The following PLCB1 variants were observed in gnomAD, a reference collection of about 807,000 sequenced individuals.
PLCB1 encodes the protein 1-phosphatidylinositol 4,5-bisphosphate phosphodiesterase beta-1.
Under a neutral mutation model 161.8 loss-of-function variants are expected in PLCB1, and 46 were observed. The ratio of observed to expected loss-of-function variants is 0.28; its 90% CI spans 0.22 to 0.36. The LOEUF (loss-of-function observed/expected upper bound fraction) is 0.36, where lower values mean the gene tolerates loss of function less well. Ranked by LOEUF, PLCB1 falls within the 10% of genes least tolerant of loss-of-function variation. The pLI is 1.00. For missense variants in PLCB1, 1,016 were observed against 1,472.5 expected, an observed-to-expected ratio of 0.69 and a Z score of 5.07; for synonymous variants, 517 against 503.7, an observed-to-expected ratio of 1.03 and a Z score of -0.35.
At chr20:8,364,866 T>A (rs145667211) in intron 2 of PLCB1, among the ~76,000 whole-genome samples, 63 of 152,360 alleles carry the variant, frequency 4.1e-4, no homozygotes, top group Non-Finnish European at 8.7e-4. Flanking sequence ...AATTAGTTTC[T>A]CTAGAAGTTT....
At chr20:8,505,499 T>C (rs1481067287) in intron 3 of PLCB1, among the ~76,000 whole-genome samples, 1 of 152,178 alleles carries the variant, frequency 6.6e-6, no homozygotes, top group African/African-American at 2.4e-5. Context: ...AGGAAAGGAA[T>C]AGAAAGAATA....
At chr20:8,821,542 TA>T (rs1985412805) in intron 31 of PLCB1, among the ~76,000 whole-genome samples, 1 of 85,302 alleles carries the variant, frequency 1.2e-5, no homozygotes, top group Non-Finnish European at 2.2e-5. Context: ...TATATATATA[TA>T]TATATATATA....
At chr20:8,485,281 A>G (rs570859149) in intron 3 of PLCB1, among the ~76,000 whole-genome samples, 1 of 152,322 alleles carries the variant, frequency 6.6e-6, no homozygotes, top group African/African-American at 2.4e-5. Context: ...ATTTGTCTCC[A>G]TTGGGTTTTT....
At chr20:8,196,346 T>C (rs1279544240) in intron 2 of PLCB1, among the ~76,000 whole-genome samples, 1 of 152,134 alleles carries the variant, frequency 6.6e-6, no homozygotes, top group African/African-American at 2.4e-5. Flanking sequence ...GTATCATTAT[T>C]GAGCAAGCAT....
At chr20:8,779,200 C>T (rs1983083419) in intron 27 of PLCB1, among the ~76,000 whole-genome samples, 1 of 152,056 alleles carries the variant, frequency 6.6e-6, no homozygotes, top group Non-Finnish European at 1.5e-5. Flanking sequence ...AGAAAGAAAG[C>T]ATGGCATCCG....
At chr20:8,841,683 T>G (rs955276787) in intron 31 of PLCB1, among the ~76,000 whole-genome samples, 1 of 152,216 alleles carries the variant, frequency 6.6e-6, no homozygotes, top group African/African-American at 2.4e-5. Context: ...ATCTTAAAAT[T>G]AAAGTCCAGG....
At chr20:8,829,394 G>C (rs1006888927) in intron 31 of PLCB1, among the ~76,000 whole-genome samples, 3 of 152,166 alleles carry the variant, frequency 2.0e-5, no homozygotes, top group Non-Finnish European at 2.9e-5. Context: ...TGACCAGTAG[G>C]GGATAATTCA....
chr20:8,590,267 T>G (rs1987109207), intron 3 of PLCB1, among the ~76,000 whole-genome samples: 1 of 152,138 alleles, frequency 6.6e-6, no homozygotes, highest in African/African-American at 2.4e-5. Flanking sequence ...CTATGACAAA[T>G]TCGGAAGTCG....
Position 8,779,465 on chromosome 20 carries a change from G to C in PLCB1, c.3111+4746G>C, listed in dbSNP as rs115488328. ...TGTAATTGTTCATATCATGATACGA[G>C]ATGTAAAATGCACACCAAGCTCTGT... is the stretch of plus-strand genomic sequence containing the variant. On this transcript the variant is annotated intron_variant, in intron 27 of 31. Coordinates refer to ENST00000338037, the MANE Select transcript of PLCB1 (RefSeq NM_015192.4). Among the ~76,000 whole-genome samples, 103 of 129,310 alleles carry C rather than the reference G, an allele frequency of 8.0e-4. 1 individual carries two copies. Among genetic ancestry groups the C allele is most frequent in the African/African-American group, 2.8e-3 (96 of 34,480 alleles). 84.8% of individuals were successfully genotyped at this position (129,310 alleles called of 152,430 possible). A position where few individuals can be genotyped will look rare whatever the true frequency, so the allele number is the denominator to read the frequency against.
chr20:8,283,795 CTT>C (rs915661886), intron 2 of PLCB1, among the ~76,000 whole-genome samples: 4 of 152,004 alleles, frequency 2.6e-5, no homozygotes, highest in African/African-American at 7.2e-5. Flanking sequence ...CAAATGGCCT[CTT>C]ATTGTTTTGA....
Position 8,757,097 on chromosome 20 carries a change from CCAG to C in PLCB1, c.2579_2581del (p.Ala860del). 6.2e-7 allele frequency: 1 copy of C among 1,613,346 alleles called. No individual in the cohort carries two copies. ...GGCTCCAAGTGAAGCGAGAACGACTCCAGCAGAAAATGGGGTGAATCACACTAC... is the reference window on the plus strand; with the variant it reads ...GGCTCCAAGTGAAGCGAGAACGACTCCAGAAAATGGGGTGAATCACACTAC... On this transcript the variant is annotated inframe_deletion, in exon 24 of 32. Transcript: ENST00000338037.
chr20:8,308,581 C>T (rs181453658), intron 2 of PLCB1, among the ~76,000 whole-genome samples: 46 of 142,946 alleles, frequency 3.2e-4, no homozygotes, highest in Admixed American at 1.1e-3. Context: ...CGTGCCACTG[C>T]GCTGCAGTCT....
intron 3 of PLCB1, among the ~76,000 whole-genome samples, chr20:8,556,841 A>G (rs1985973007): frequency 6.6e-6 from 1 of 151,924 alleles, no homozygotes; most frequent in Non-Finnish European, 1.5e-5. Flanking sequence ...TTGAATAGAC[A>G]TTTATCCAAA....
At chr20:8,233,171 CATCAAATATTT>C in intron 2 of PLCB1, among the ~76,000 whole-genome samples, 1 of 152,182 alleles carries the variant, frequency 6.6e-6, no homozygotes, top group African/African-American at 2.4e-5. Flanking sequence ...TATTCAATCC[CATCAAATATTT>C]ATCAAATACC....
chr20:8,408,357 A>G (rs1408335781), intron 3 of PLCB1, among the ~76,000 whole-genome samples: 1 of 152,062 alleles, frequency 6.6e-6, no homozygotes, highest in Non-Finnish European at 1.5e-5. Context: ...AGGCTGCAGT[A>G]CATGAGGATC....
chr20:8,689,138 T>C, intron 10 of PLCB1, among the ~76,000 whole-genome samples: 1 of 152,000 alleles, frequency 6.6e-6, no homozygotes, highest in East Asian at 1.9e-4. Context: ...GATTTGATTA[T>C]CTGCTTGGTC....
chr20:8,634,330 T>C (rs1273957849), intron 4 of PLCB1, among the ~76,000 whole-genome samples: 1 of 152,228 alleles, frequency 6.6e-6, no homozygotes, highest in Non-Finnish European at 1.5e-5. Flanking sequence ...TTAATGTTTG[T>C]AATTTTAGAT....
chr20:8,347,817 G>T (rs1986044149), intron 2 of PLCB1, among the ~76,000 whole-genome samples: 1 of 152,026 alleles, frequency 6.6e-6, no homozygotes, highest in African/African-American at 2.4e-5. Context: ...TGAAGAAATA[G>T]CTCTGAAATC....
intron 2 of PLCB1, among the ~76,000 whole-genome samples, chr20:8,341,233 C>T (rs1326478137): frequency 6.6e-6 from 1 of 152,148 alleles, no homozygotes; most frequent in Non-Finnish European, 1.5e-5. Context: ...TTGCTGCTCT[C>T]CTGTACAGCC....
Sources: gnomAD v4.1 joint callset for allele counts (sites outside exome capture counted in the v4.1 genomes callset) on GRCh38, gnomAD v4.1.1 for gene constraint, MANE v1.5 for transcripts, NCBI Gene and HGNC (gene_info 2026-07-23, HGNC 2026-07-21) for gene names.